The following RTTN variants were observed in gnomAD, a reference collection of about 807,000 sequenced individuals.
The protein encoded by RTTN is rotatin.
A neutral mutation model predicts 269.2 loss-of-function variants in RTTN; 182 were observed. That is an observed-to-expected ratio of 0.68 (90% CI 0.60 to 0.76). The LOEUF is 0.76. Ranked by LOEUF, RTTN falls within the 30% of genes least tolerant of loss-of-function variation. The probability of loss-of-function intolerance (pLI) is 0.00; values close to 1 mark genes in which losing one functional copy is unlikely to be tolerated. For missense variants in RTTN, 2,545 were observed against 2,608.6 expected, an observed-to-expected ratio of 0.98 and a Z score of 0.53; for synonymous variants, 1,006 against 963.5, an observed-to-expected ratio of 1.04 and a Z score of -0.82.
chr18:70,054,179 T>C lies in RTTN; in HGVS notation c.5137A>G (p.Ile1713Val). The C allele has an allele frequency of 6.2e-7, 1 of 1,613,744 alleles. No individual in the cohort carries two copies. Among genetic ancestry groups the C allele is most frequent in the Non-Finnish European group, 8.5e-7 (1 of 1,179,710 alleles). The change falls in exon 38 of 49, where the codon ATC becomes GTC. Residue 1713 changes from isoleucine to valine, a missense_variant. Coordinates refer to ENST00000640769, the MANE Select transcript of RTTN (RefSeq NM_173630.4). ...GTGAGAATTCCAATGATATTGGTGA[T>C]AAGAGGTTTCACAAGCTCATCCTGA... The part of the protein sequence containing the change: ...VIQDELVKPL[I>V]TNIIGILTIC...
In RTTN at chr18:70,109,708, C is replaced by G. The variant is rs1401459676; in HGVS notation, c.3693G>C (p.Ser1231=). The change falls in exon 28 of 49, where the codon TCG becomes TCC. Residue 1231 remains serine (S), a synonymous_variant. Coordinates refer to ENST00000640769, the MANE Select transcript of RTTN (RefSeq NM_173630.4). The part of the protein sequence containing the change: ...NFMEVTDRKC[S]ELLYVFQTQL... ...GCGTTTGAAAAACGTAAAGAAGTTC[C>G]GAGCATTTCCTATGTATGCAAAAGA... 3 of 1,613,624 alleles carry G rather than the reference C, an allele frequency of 1.9e-6. No individual in the cohort carries two copies. The highest frequency in any genetic ancestry group is 2.5e-6 in the Non-Finnish European group (3 of 1,179,926).
Position 70,109,156 on chromosome 18 carries a change from G to A in RTTN, c.3903+342C>T, listed in dbSNP as rs185168325. Among the ~76,000 whole-genome samples, 33 of 152,268 alleles carry A rather than the reference G, an allele frequency of 2.2e-4. No individual in the cohort carries two copies. In the East Asian group the frequency reaches 5.4e-3, roughly 25 times the overall value. ...GTATACAAAATGCTTGGGACCAGAA[G>A]TGTTTGAATTTTGGAGTTGTTTGGA... On this transcript the variant is annotated intron_variant, in intron 28 of 48. Coordinates refer to ENST00000640769, the MANE Select transcript of RTTN (RefSeq NM_173630.4).
chr18:70,092,184 G>A lies in RTTN; in HGVS notation c.4069C>T (p.His1357Tyr). 1.9e-6 allele frequency: 3 copies of A among 1,613,248 alleles called. No individual in the cohort carries two copies. The highest frequency in any genetic ancestry group is 2.2e-5 in the South Asian group (2 of 91,032). ...TGAGTAGGAATATGTTCTTCACTAT[G>A]ACTACCCAAAGGCAAGAACCAAAGT... is the stretch of plus-strand genomic sequence containing the variant. ...MSLWFLPLGS[H>Y]SEEHIPTQQG... is the part of the protein sequence containing the mutation. Residue 1357 changes from histidine (H) to tyrosine (Y), a missense_variant, in exon 30 of 49, where the codon CAT (histidine) becomes TAT (tyrosine). Physicochemically the swap from His to Tyr is moderately conservative, Grantham distance 83. Transcript: ENST00000640769.
chr18:70,075,071 A>C (rs964279632), intron 33 of RTTN: 7 of 230,468 alleles, frequency 3.0e-5, no homozygotes, highest in African/African-American at 1.6e-4. Flanking sequence ...AATAATTTCC[A>C]TGAAGAATTT....
intron 14 of RTTN, among the ~76,000 whole-genome samples, chr18:70,159,713 C>A (rs112421756): frequency 0.055 from 8,330 of 152,040 alleles, 310 homozygotes; most frequent in Non-Finnish European, 0.078. Flanking sequence ...AAGAGACAAT[C>A]CAAATAAACA....
At chr18:70,053,588 T>C (rs569776409) in intron 38 of RTTN, 1 of 152,368 alleles carries the variant, frequency 6.6e-6, no homozygotes, top group East Asian at 1.9e-4. Flanking sequence ...AATTACTTCA[T>C]TATAAATGAT....
At chr18:70,177,564 T>C (rs2061332410) in intron 10 of RTTN, among the ~76,000 whole-genome samples, 1 of 151,964 alleles carries the variant, frequency 6.6e-6, no homozygotes. Context: ...ATCCCAGATA[T>C]ACTGATATGC....
intron 14 of RTTN, among the ~76,000 whole-genome samples, chr18:70,156,858 G>A (rs2060691824): frequency 1.3e-5 from 2 of 152,172 alleles, no homozygotes; most frequent in African/African-American, 4.8e-5. Context: ...GCTGCCAGAA[G>A]TAGAAAGAGC....
In RTTN at chr18:70,090,583, C is replaced by T. The variant is rs143328840; in HGVS notation, c.4143+1527G>A. Among the ~76,000 whole-genome samples, 936 of 152,180 alleles carry T rather than the reference C, an allele frequency of 6.2e-3. 8 individuals are homozygous for T. The highest frequency in any genetic ancestry group is 0.01 in the Non-Finnish European group (703 of 68,008). ...TTCAGGGTGCTTTTGGAAAATGAAA[C>T]CTCTGATAAGGGAGGACTACTGTAT... is the stretch of plus-strand genomic sequence containing the variant. On this transcript the variant is annotated intron_variant, in intron 30 of 48. Coordinates refer to ENST00000640769, the MANE Select transcript of RTTN (RefSeq NM_173630.4).
rs566466544 is a variant in RTTN, at chr18:70,029,357, T to C, written c.5746-556A>G. On this transcript the variant is annotated intron_variant, in intron 42 of 48. Transcript: ENST00000640769. ...ATACTATTCACACACTTTCATTTGTTGAATAAGTGGGTGGCAGATCTTGTT... is the reference window on the plus strand; with the variant it reads ...ATACTATTCACACACTTTCATTTGTCGAATAAGTGGGTGGCAGATCTTGTT... Among the ~76,000 whole-genome samples, 12 of 152,272 alleles carry C rather than the reference T, an allele frequency of 7.9e-5. No individual in the cohort carries two copies. In the South Asian group the frequency reaches 2.3e-3, roughly 29 times the overall value.
intron 23 of RTTN, among the ~76,000 whole-genome samples, 152 bp downstream of exon 23, chr18:70,134,320 GA>G (rs2060069424): frequency 6.6e-6 from 1 of 152,018 alleles, no homozygotes; most frequent in Non-Finnish European, 1.5e-5. Context: ...TATACTTACT[GA>G]AATCTTCAAA....
At chr18:70,122,480 G>T (rs8095756) in intron 25 of RTTN, among the ~76,000 whole-genome samples, 126,338 of 152,064 alleles carry the variant, frequency 0.83, 55,591 homozygotes, top group East Asian at 1. Context: ...CAGCATTTAT[G>T]GAGCACCAAC....
chr18:70,013,320 T>C (rs2056446528), intron 46 of RTTN, among the ~76,000 whole-genome samples: 2 of 152,120 alleles, frequency 1.3e-5, no homozygotes, highest in Admixed American at 1.3e-4. Flanking sequence ...TCTAAGTAAG[T>C]TTATAACTCC....
At position 70,151,741 on chromosome 18, in the gene RTTN, T is replaced by C. The variant is rs188212371; in HGVS notation, c.1930-1008A>G. Among the ~76,000 whole-genome samples, 61 of 152,340 alleles carry C rather than the reference T, an allele frequency of 4.0e-4. 1 individual carries two copies. The highest frequency in any genetic ancestry group is 1.2e-3 in the Admixed American group (19 of 15,290). ...CATCTAAACTGTGACTATCCCCTTC[T>C]GAAACCAAGATTTACTTCCTAAAAT... On this transcript the variant is annotated intron_variant, in intron 14 of 48. Transcript: ENST00000640769.
Position 70,089,328 on chromosome 18 carries a change from G to A in RTTN, c.4144-1181C>T, listed in dbSNP as rs118177250. Reference sequence around the variant, plus strand: ...TGCGTGCTCCAAGGAGAGGTCATATGAGCACACAGTGAGAAGGTGGCCCTC... The same window carrying A: ...TGCGTGCTCCAAGGAGAGGTCATATAAGCACACAGTGAGAAGGTGGCCCTC... On this transcript the variant is annotated intron_variant, in intron 30 of 48. Coordinates refer to ENST00000640769, the MANE Select transcript of RTTN (RefSeq NM_173630.4). Among the ~76,000 whole-genome samples, 759 of 152,304 alleles carry A rather than the reference G, an allele frequency of 5.0e-3. 3 individuals are homozygous for A. Among genetic ancestry groups the A allele is most frequent in the South Asian group, 7.7e-3 (37 of 4,828 alleles).
chr18:70,130,331 T>C (rs1165780139), intron 23 of RTTN: 1 of 152,104 alleles, frequency 6.6e-6, no homozygotes, highest in African/African-American at 2.4e-5. Flanking sequence ...TGCACTCCCA[T>C]GTTTATTGTA....
Position 70,057,810 on chromosome 18 carries a change from G to C in RTTN, c.4963C>G (p.Gln1655Glu), listed in dbSNP as rs765050916. Residue 1655 changes from glutamine (Q) to glutamate (E), a missense_variant, in exon 37 of 49, where the codon CAG becomes GAG. Coordinates refer to ENST00000640769, the MANE Select transcript of RTTN (RefSeq NM_173630.4). ...GCTCTGAGTTCCTGGACACATGTCT[G>C]TATGAGGGTAGCATCTGCAATGCTG... is the stretch of plus-strand genomic sequence containing the variant. ...LCSIADATLI[Q>E]TCVQELRALL... The C allele has an allele frequency of 2.5e-6, 4 of 1,613,646 alleles. No individual in the cohort carries two copies. The highest frequency in any genetic ancestry group is 2.5e-6 in the Non-Finnish European group (3 of 1,179,658).
At chr18:70,192,428 C>T (rs1425174572) in intron 8 of RTTN, among the ~76,000 whole-genome samples, 2 of 152,166 alleles carry the variant, frequency 1.3e-5, no homozygotes, top group Admixed American at 1.3e-4. Context: ...TGTCTGTAAT[C>T]TCAGCACTTT....
At chr18:70,059,561 T>G (rs1049540350) in intron 36 of RTTN, among the ~76,000 whole-genome samples, 12 of 152,130 alleles carry the variant, frequency 7.9e-5, no homozygotes, top group African/African-American at 2.9e-4. Flanking sequence ...ACCATATTCC[T>G]TAAGTGTGCT....
Sources: gnomAD v4.1 joint callset for allele counts (sites outside exome capture counted in the v4.1 genomes callset) on GRCh38, gnomAD v4.1.1 for gene constraint, MANE v1.5 for transcripts, NCBI Gene and HGNC (gene_info 2026-07-23, HGNC 2026-07-21) for gene names.